NOL4: variants seen among roughly 807,000 people sequenced by gnomAD.
NOL4 encodes nucleolar protein 4.
A neutral mutation model predicts 75.9 loss-of-function variants in NOL4; 17 were observed. The ratio of observed to expected loss-of-function variants is 0.22; its 90% CI spans 0.15 to 0.34. The LOEUF (loss-of-function observed/expected upper bound fraction) is 0.34, where lower values mean the gene tolerates loss of function less well. Ranked by LOEUF, NOL4 falls within the 10% of genes least tolerant of loss-of-function variation. The pLI, the probability that NOL4 is intolerant of heterozygous loss-of-function variation, is 1.00. For synonymous variants in NOL4, 292 were observed against 289.9 expected, an observed-to-expected ratio of 1.01 and a Z score of -0.07; for missense variants, 614 against 793.5, an observed-to-expected ratio of 0.77 and a Z score of 2.72.
intron 1 of NOL4, among the ~76,000 whole-genome samples, chr18:34,212,927 A>C (rs2036608045): frequency 6.6e-6 from 1 of 152,142 alleles, no homozygotes; most frequent in Non-Finnish European, 1.5e-5. Context: ...TAAAAGGCTA[A>C]TGTGATTAAA....
intron 5 of NOL4, among the ~76,000 whole-genome samples, chr18:34,027,977 A>G (rs2075431167): frequency 2.0e-5 from 3 of 152,212 alleles, no homozygotes; most frequent in Admixed American, 1.3e-4. Context: ...CTGTCAGAAT[A>G]AAACATTGAG....
intron 5 of NOL4, among the ~76,000 whole-genome samples, chr18:34,041,762 C>T (rs181817165): frequency 6.6e-6 from 1 of 151,986 alleles, no homozygotes; most frequent in African/African-American, 2.4e-5. Flanking sequence ...CAGACAGTAT[C>T]AATCAAAGTT....
At chr18:34,024,066 A>AGT (rs1013809214) in intron 5 of NOL4, among the ~76,000 whole-genome samples, 7 of 150,604 alleles carry the variant, frequency 4.6e-5, no homozygotes, top group Admixed American at 4.0e-4. Flanking sequence ...TGTGTATTTA[A>AGT]GTGTGTGTGT....
At chr18:33,894,124 A>G (rs2065260558) in intron 9 of NOL4, among the ~76,000 whole-genome samples, 1 of 152,128 alleles carries the variant, frequency 6.6e-6, no homozygotes, top group African/African-American at 2.4e-5. Flanking sequence ...TCTACCTTCT[A>G]AAAGCTTCTC....
intron 2 of NOL4, among the ~76,000 whole-genome samples, chr18:34,128,237 C>T (rs1293060776): frequency 1.3e-5 from 2 of 151,844 alleles, no homozygotes; most frequent in East Asian, 1.9e-4. Context: ...TTGCTTTTGG[C>T]ACCTAAACAG....
At chr18:34,164,388 T>G (rs1459799638) in intron 1 of NOL4, among the ~76,000 whole-genome samples, 1 of 151,844 alleles carries the variant, frequency 6.6e-6, no homozygotes, top group Non-Finnish European at 1.5e-5. Flanking sequence ...CTCAAACAAA[T>G]TTACAAGAAA....
intron 6 of NOL4, among the ~76,000 whole-genome samples, chr18:34,010,767 C>T (rs1162385796): frequency 6.6e-6 from 1 of 151,794 alleles, no homozygotes; most frequent in Non-Finnish European, 1.5e-5. Flanking sequence ...GAGATCACAT[C>T]TCATAGTAGT....
chr18:34,138,885 A>G (rs531361078), intron 1 of NOL4, among the ~76,000 whole-genome samples: 7 of 152,302 alleles, frequency 4.6e-5, no homozygotes, highest in Admixed American at 1.3e-4. Context: ...TTTTAGCATG[A>G]AGGGCTGTTG....
At position 34,139,402 on chromosome 18, in the gene NOL4, T is replaced by G. The variant is rs1412112416; in HGVS notation, c.265-9382A>C. On this transcript the variant is annotated intron_variant, in intron 1 of 10. Transcript: ENST00000261592. Reference sequence around the variant, plus strand: ...GATTCAACTTCTTCCTGGTTTAGTCTTGGGAGGGTGTATGTGTCCAGGAAT... The same window carrying G: ...GATTCAACTTCTTCCTGGTTTAGTCGTGGGAGGGTGTATGTGTCCAGGAAT... 2.6e-5 allele frequency among the ~76,000 whole-genome samples: 4 copies of G among 152,208 alleles called. No individual in the cohort carries two copies. The East Asian group carries it at 7.7e-4, about 29-fold the overall frequency.
At chr18:33,900,829 AGTGAGTTT>A (rs2065705218) in intron 9 of NOL4, among the ~76,000 whole-genome samples, 2 of 152,192 alleles carry the variant, frequency 1.3e-5, no homozygotes, top group Admixed American at 6.6e-5. Context: ...TTTACAGGCC[AGTGAGTTT>A]GTGATGCCAT....
intron 9 of NOL4, among the ~76,000 whole-genome samples, chr18:33,921,561 G>C (rs1023694468): frequency 2.6e-5 from 4 of 152,092 alleles, no homozygotes; most frequent in African/African-American, 9.7e-5. Context: ...TATTCTTTTA[G>C]GAAGAGGAGA....
At chr18:34,165,598 T>C (rs920124473) in intron 1 of NOL4, among the ~76,000 whole-genome samples, 24 of 152,144 alleles carry the variant, frequency 1.6e-4, no homozygotes, top group African/African-American at 5.5e-4. Context: ...GAGTAACAAA[T>C]ATCTTCTTAT....
chr18:34,069,770 A>G (rs944455735), intron 5 of NOL4, among the ~76,000 whole-genome samples: 6 of 152,208 alleles, frequency 3.9e-5, no homozygotes, highest in Non-Finnish European at 8.8e-5. Flanking sequence ...TCAGACTTGT[A>G]TGAAGTCAGA....
intron 5 of NOL4, among the ~76,000 whole-genome samples, chr18:34,054,576 C>G (rs754556920): frequency 6.6e-6 from 1 of 151,830 alleles, no homozygotes; most frequent in Non-Finnish European, 1.5e-5. Context: ...CTTTGTGACT[C>G]TCAGCCTATG....
chr18:34,075,787 T>TAC (rs1367704686), intron 5 of NOL4, among the ~76,000 whole-genome samples: 1 of 152,186 alleles, frequency 6.6e-6, no homozygotes, highest in African/African-American at 2.4e-5. Context: ...GGAAGACGAG[T>TAC]ACATTCATAT....
intron 1 of NOL4, among the ~76,000 whole-genome samples, chr18:34,134,762 A>G (rs1352007944): frequency 2.6e-5 from 4 of 152,176 alleles, no homozygotes; most frequent in Admixed American, 6.5e-5. Flanking sequence ...TATATTTTAC[A>G]TGTTTTATGA....
intron 5 of NOL4, among the ~76,000 whole-genome samples, chr18:34,054,585 T>C (rs1459191385): frequency 6.6e-6 from 1 of 151,940 alleles, no homozygotes; most frequent in Non-Finnish European, 1.5e-5. Context: ...TCTCAGCCTA[T>C]GTGTATCCTT....
chr18:34,064,002 C>A (rs1172821624), intron 5 of NOL4, among the ~76,000 whole-genome samples: 1 of 151,984 alleles, frequency 6.6e-6, no homozygotes, highest in Non-Finnish European at 1.5e-5. Flanking sequence ...TTCCTTGCCA[C>A]ACACTGACTG....
chr18:34,140,375 C>A lies in NOL4; in HGVS notation c.265-10355G>T, dbSNP rs1010562761. Reference sequence around the variant, plus strand: ...AATCTGGGTGCTCCTGTATTGGGTGCATATATATTTAGGATAGTTAGCCCT... The same window carrying A: ...AATCTGGGTGCTCCTGTATTGGGTGAATATATATTTAGGATAGTTAGCCCT... On this transcript the variant is annotated intron_variant, in intron 1 of 10. Coordinates refer to ENST00000261592, the MANE Select transcript of NOL4 (RefSeq NM_003787.5). Among the ~76,000 whole-genome samples the A allele has an allele frequency of 1.1e-4, 17 of 152,188 alleles. No individual in the cohort carries two copies. The South Asian group carries it at 3.3e-3, about 30-fold the overall frequency.
Sources: gnomAD v4.1 joint callset for allele counts (sites outside exome capture counted in the v4.1 genomes callset) on GRCh38, gnomAD v4.1.1 for gene constraint, MANE v1.5 for transcripts, NCBI Gene and HGNC (gene_info 2026-07-23, HGNC 2026-07-21) for gene names.